Variants in NAA11 observed in about 807,000 individuals in gnomAD.
The protein encoded by NAA11 is N-alpha-acetyltransferase 11, NatA catalytic subunit, also known as N-alpha-acetyltransferase 11.
A neutral mutation model predicts 16.1 loss-of-function variants in NAA11; 15 were observed. The observed-to-expected ratio is 0.93, with a 90% CI of 0.62 to 1.44. The LOEUF is 1.44. Among genes scored for constraint, NAA11 ranks in the 40% most tolerant of loss-of-function variants. The pLI is 0.00. For synonymous variants in NAA11, 122 were observed against 112.4 expected (o/e 1.09, Z -0.54); for missense variants, 298 against 291.3 (o/e 1.02, Z -0.17).
At chr4:79,194,717 C>A in the NAA11 span, among the ~76,000 whole-genome samples, 1 of 152,074 alleles carries the variant, frequency 6.6e-6, no homozygotes, top group African/African-American at 2.4e-5. Flanking sequence ...ACCTGTCAAT[C>A]CAGGGGGTTT....
At chr4:79,261,457 A>G (rs1369862246) in intron 2 of NAA11, among the ~76,000 whole-genome samples, 1 of 152,214 alleles carries the variant, frequency 6.6e-6, no homozygotes, top group Non-Finnish European at 1.5e-5. Context: ...AATCAGTGTA[A>G]TAGAAAATCT....
At chr4:79,262,354 T>C (rs1313307773) in intron 2 of NAA11, among the ~76,000 whole-genome samples, 4 of 152,168 alleles carry the variant, frequency 2.6e-5, no homozygotes, top group Non-Finnish European at 5.9e-5. Context: ...AAACAAATAT[T>C]GCAAACAAAC....
chr4:79,311,455 C>A (rs2110010860), intron 1 of NAA11, among the ~76,000 whole-genome samples: 1 of 152,300 alleles, frequency 6.6e-6, no homozygotes, highest in East Asian at 1.9e-4. Context: ...CATACATTGT[C>A]ACTCCTAAAC....
At chr4:79,296,212 A>G (rs1410451293) in intron 1 of NAA11, among the ~76,000 whole-genome samples, 4 of 152,214 alleles carry the variant, frequency 2.6e-5, no homozygotes, top group Non-Finnish European at 4.4e-5. Context: ...AATCTTCATC[A>G]TAACAGTTTG....
At chr4:79,273,463 T>TA (rs1307556436) in intron 2 of NAA11, among the ~76,000 whole-genome samples, 1 of 152,006 alleles carries the variant, frequency 6.6e-6, no homozygotes, top group Non-Finnish European at 1.5e-5. Context: ...GAAAAAATAA[T>TA]ACAGACCAAA....
the NAA11 span, among the ~76,000 whole-genome samples, chr4:79,159,499 CTATTT>C: frequency 2.6e-5 from 4 of 152,174 alleles, no homozygotes; most frequent in South Asian, 8.3e-4. Flanking sequence ...GTAAACATCA[CTATTT>C]TAAAGTATAC....
At chr4:79,259,185 A>C (rs1040646896) in intron 2 of NAA11, 1 of 152,676 alleles carries the variant, frequency 6.5e-6, no homozygotes, top group Admixed American at 6.5e-5. Flanking sequence ...GGGCTGAAAG[A>C]GCTGTGACAC....
chr4:79,247,862 T>C (rs1452035840), intron 2 of NAA11, among the ~76,000 whole-genome samples: 1 of 152,020 alleles, frequency 6.6e-6, no homozygotes, highest in Non-Finnish European at 1.5e-5. Context: ...CACAGACACT[T>C]GAACTGGTGG....
chr4:79,271,482 AT>A (rs1254877703), intron 2 of NAA11, among the ~76,000 whole-genome samples: 1 of 152,102 alleles, frequency 6.6e-6, no homozygotes, highest in Non-Finnish European at 1.5e-5. Context: ...GAACATAAAA[AT>A]TTGTTTCCTT....
downstream of NAA11, among the ~76,000 whole-genome samples, chr4:79,223,642 T>G (rs1016815980): frequency 3.6e-5 from 1 of 27,962 alleles, no homozygotes; most frequent in Admixed American, 7.1e-4. Context: ...ACTTAAAGTA[T>G]AATTAAAAAA....
At chr4:79,187,763 G>A in the NAA11 span, among the ~76,000 whole-genome samples, 1 of 152,024 alleles carries the variant, frequency 6.6e-6, no homozygotes, top group Non-Finnish European at 1.5e-5. Flanking sequence ...TTGGGAGGCC[G>A]AGGCGGGCTG....
intron 2 of NAA11, among the ~76,000 whole-genome samples, chr4:79,243,132 A>G (rs1028006265): frequency 2.6e-5 from 4 of 152,212 alleles, no homozygotes; most frequent in Admixed American, 6.5e-5. Context: ...CCTCAGATGC[A>G]TACATGGTAG....
the NAA11 span, among the ~76,000 whole-genome samples, chr4:79,199,928 T>G: frequency 1.3e-5 from 2 of 151,926 alleles, no homozygotes; most frequent in Admixed American, 1.3e-4. Context: ...CCTCTGCATC[T>G]ATTATGGTCA....
the NAA11 span, among the ~76,000 whole-genome samples, chr4:79,159,017 A>C: frequency 6.6e-6 from 1 of 152,160 alleles, no homozygotes; most frequent in Non-Finnish European, 1.5e-5. Context: ...CCTTCTAGAC[A>C]TTGGCTTAGG....
intron 2 of NAA11, among the ~76,000 whole-genome samples, chr4:79,234,099 T>G (rs929627848): frequency 6.6e-6 from 1 of 152,098 alleles, no homozygotes; most frequent in Non-Finnish European, 1.5e-5. Context: ...AAGAACACTT[T>G]GCCAGAAAAG....
the NAA11 span, among the ~76,000 whole-genome samples, chr4:79,168,153 G>T: frequency 1.3e-5 from 2 of 152,050 alleles, no homozygotes; most frequent in Non-Finnish European, 2.9e-5. Context: ...AGTTTGCTGA[G>T]AATGACAGTT....
downstream of NAA11, chr4:79,225,628 C>T (rs1031592898): frequency 6.6e-6 from 1 of 152,072 alleles, no homozygotes; most frequent in Admixed American, 6.6e-5. Flanking sequence ...AGAAGCAACA[C>T]ATTTAATCTT....
intron 2 of NAA11, among the ~76,000 whole-genome samples, chr4:79,272,381 A>G (rs1722513827): frequency 1.3e-5 from 2 of 152,050 alleles, no homozygotes; most frequent in Admixed American, 6.6e-5. Context: ...ACTGTCAGAT[A>G]TATATTTAGA....
At chr4:79,175,605 A>G in the NAA11 span, among the ~76,000 whole-genome samples, 1 of 152,022 alleles carries the variant, frequency 6.6e-6, no homozygotes, top group Non-Finnish European at 1.5e-5. Context: ...CCCCATTAAC[A>G]ATAAAAACCC....
Sources: allele counts gnomAD v4.1 joint callset (sites outside exome capture counted in the v4.1 genomes callset), GRCh38; gene constraint gnomAD v4.1.1; transcripts MANE v1.5; gene names NCBI Gene and HGNC (gene_info 2026-07-23, HGNC 2026-07-21).